CRADD: variants seen among roughly 807,000 people sequenced by gnomAD.
The protein encoded by CRADD is death domain-containing protein CRADD.
CRADD carries 9 observed loss-of-function variants against 15.5 expected under a neutral mutation model. The ratio of observed to expected loss-of-function variants is 0.58; its 90% CI spans 0.35 to 1.01. CRADD has a LOEUF of 1.01. Ranked by LOEUF, CRADD falls within the 50% of genes least tolerant of loss-of-function variation. The pLI is 0.02. For missense variants in CRADD, 227 were observed against 250.3 expected, an observed-to-expected ratio of 0.91 and a Z score of 0.63; for synonymous variants, 118 against 107.6, an observed-to-expected ratio of 1.10 and a Z score of -0.60.
At chr12:93,789,291 T>C (rs1957322829) in intron 2 of CRADD, among the ~76,000 whole-genome samples, 1 of 152,084 alleles carries the variant, frequency 6.6e-6, no homozygotes, top group African/African-American at 2.4e-5. Flanking sequence ...AAGCTGGAGA[T>C]GTGCTTCAGG....
chr12:93,864,506 G>A (rs2028204), intron 2 of CRADD, among the ~76,000 whole-genome samples: 80,105 of 152,064 alleles, frequency 0.53, 21,308 homozygotes, highest in Middle Eastern at 0.61. Flanking sequence ...CATTTATTTT[G>A]TTTAAAGTAG....
chr12:93,697,699 CTCAT>C (rs1955744135), intron 2 of CRADD, among the ~76,000 whole-genome samples: 4 of 152,114 alleles, frequency 2.6e-5, no homozygotes, highest in Non-Finnish European at 5.9e-5. Flanking sequence ...ATCTCTTTTC[CTCAT>C]TCATTCTAGG....
intron 2 of CRADD, chr12:93,846,635 A>AGCT: frequency 6.6e-6 from 1 of 150,968 alleles, no homozygotes; most frequent in Non-Finnish European, 1.5e-5. Context: ...CGATGGACAT[A>AGCT]GCTGAAAATC....
chr12:93,881,678 A>G (rs1958503564), intron 2 of CRADD, among the ~76,000 whole-genome samples: 1 of 152,224 alleles, frequency 6.6e-6, no homozygotes. Context: ...GAAGACTTGT[A>G]CTATATAGTC....
At chr12:93,719,387 G>C (rs1813458958) in intron 2 of CRADD, among the ~76,000 whole-genome samples, 1 of 152,152 alleles carries the variant, frequency 6.6e-6, no homozygotes, top group South Asian at 2.1e-4. Context: ...TTATGTTCAA[G>C]AGAGACATTG....
intron 2 of CRADD, among the ~76,000 whole-genome samples, chr12:93,880,148 C>T (rs1450252752): frequency 6.6e-6 from 1 of 152,132 alleles, no homozygotes; most frequent in Non-Finnish European, 1.5e-5. Context: ...TCCAGAAATT[C>T]TTCAGCTCCC....
In CRADD at chr12:93,856,531, C is replaced by A. The variant is rs538611230; in HGVS notation, c.299-37519C>A. ...TACTTCAACTGAGCTTTTGTAAGTCCTGCCCAAGTTAGCATGTTGGTCTCT... is the reference window on the plus strand; with the variant it reads ...TACTTCAACTGAGCTTTTGTAAGTCATGCCCAAGTTAGCATGTTGGTCTCT... On this transcript the variant is annotated intron_variant, in intron 2 of 2. Transcript: ENST00000548483. 2.0e-5 allele frequency among the ~76,000 whole-genome samples: 3 copies of A among 152,328 alleles called. No homozygotes were observed. The East Asian group carries it at 5.8e-4, about 29-fold the overall frequency.
intron 2 of CRADD, among the ~76,000 whole-genome samples, chr12:93,796,469 G>A (rs1319514657): frequency 1.3e-5 from 2 of 151,914 alleles, no homozygotes; most frequent in Non-Finnish European, 2.9e-5. Context: ...GCAGGGCATG[G>A]TGGTGGGCAC....
At position 93,886,162 on chromosome 12, in the gene CRADD, CT is replaced by C. The variant is rs761719331; in HGVS notation, c.299-7868del. Among the ~76,000 whole-genome samples, 142 of 123,938 alleles carry C rather than the reference CT, an allele frequency of 1.1e-3. 1 individual carries two copies. The highest frequency in any genetic ancestry group is 4.2e-3 in the Middle Eastern group (1 of 236). 81.3% of individuals were successfully genotyped at this position (123,938 alleles called of 152,430 possible). A position where few individuals can be genotyped will look rare whatever the true frequency, so the allele number is the denominator to read the frequency against. On this transcript the variant is annotated intron_variant, in intron 2 of 2. Coordinates refer to the CRADD transcript ENST00000548483. ...ATGGACATGCCTCTAGCTGCTGATGCTTTTTTTTTTTTTTTTTTTTGAGACA... is the reference window on the plus strand; with the variant it reads ...ATGGACATGCCTCTAGCTGCTGATGCTTTTTTTTTTTTTTTTTTTGAGACA...
intron 2 of CRADD, among the ~76,000 whole-genome samples, chr12:93,802,656 G>A (rs956203065): frequency 2.0e-5 from 3 of 152,060 alleles, no homozygotes; most frequent in East Asian, 1.9e-4. Flanking sequence ...TGTCCTCTTC[G>A]GTCTGCTAGT....
intron 2 of CRADD, among the ~76,000 whole-genome samples, chr12:93,712,211 A>G (rs1956087224): frequency 6.6e-6 from 1 of 152,324 alleles, no homozygotes; most frequent in African/African-American, 2.4e-5. Flanking sequence ...TAAGAGGATT[A>G]AACTAGTTAC....
chr12:93,849,195 G>C (rs1186100114), intron 2 of CRADD: 1 of 152,194 alleles, frequency 6.6e-6, no homozygotes, highest in African/African-American at 2.4e-5. Flanking sequence ...CCCAGCCTTG[G>C]AACAGGCCCC....
At chr12:93,693,415 A>G (rs12810258) in intron 2 of CRADD, among the ~76,000 whole-genome samples, 38,614 of 151,980 alleles carry the variant, frequency 0.25, 5,350 homozygotes, top group East Asian at 0.41. Flanking sequence ...TTCCATGCAA[A>G]TGGAAACCAA....
At chr12:93,809,712 C>T (rs1010194804) in intron 2 of CRADD, among the ~76,000 whole-genome samples, 4 of 152,266 alleles carry the variant, frequency 2.6e-5, no homozygotes, top group Non-Finnish European at 4.4e-5. Flanking sequence ...TGAATGAACA[C>T]GGAATGAATG....
chr12:93,717,739 T>C (rs1245798860), intron 2 of CRADD, among the ~76,000 whole-genome samples: 1 of 152,184 alleles, frequency 6.6e-6, no homozygotes, highest in African/African-American at 2.4e-5. Flanking sequence ...CAGGCAGGTC[T>C]CAAACTCCTG....
chr12:93,829,392 C>T (rs761467039), intron 2 of CRADD, among the ~76,000 whole-genome samples: 3 of 152,080 alleles, frequency 2.0e-5, no homozygotes, highest in Non-Finnish European at 2.9e-5. Context: ...TTCCTGGACC[C>T]GGGAGATCAG....
intron 2 of CRADD, chr12:93,815,460 A>G (rs1957685895): frequency 6.6e-6 from 1 of 152,198 alleles, no homozygotes; most frequent in African/African-American, 2.4e-5. Context: ...GTATCCACAT[A>G]CTGAAATACA....
intron 2 of CRADD, among the ~76,000 whole-genome samples, chr12:93,717,067 G>A (rs1040903219): frequency 2.7e-4 from 41 of 152,164 alleles, no homozygotes; most frequent in African/African-American, 8.7e-4. Flanking sequence ...GATTGTGACC[G>A]TCTAATGGGT....
chr12:93,808,217 A>G (rs976842896), intron 2 of CRADD, among the ~76,000 whole-genome samples: 1 of 152,010 alleles, frequency 6.6e-6, no homozygotes, highest in African/African-American at 2.4e-5. Context: ...TAATAAAGAC[A>G]TACCTGAGAC....
Sources: allele counts gnomAD v4.1 joint callset (sites outside exome capture counted in the v4.1 genomes callset), GRCh38; gene constraint gnomAD v4.1.1; transcripts MANE v1.5; gene names NCBI Gene and HGNC (gene_info 2026-07-23, HGNC 2026-07-21).